BLNK: variants seen among roughly 807,000 people sequenced by gnomAD.
BLNK encodes B cell linker, also known as B-cell linker protein.
BLNK carries 29 observed loss-of-function variants against 73.5 expected under a neutral mutation model. The observed-to-expected ratio is 0.39, with a 90% CI of 0.29 to 0.54. BLNK has a LOEUF of 0.54. Among genes scored for constraint, BLNK ranks in the 20% least tolerant of loss-of-function variants. The pLI, the probability that BLNK is intolerant of heterozygous loss-of-function variation, is 0.61. For missense variants in BLNK, 460 were observed against 562.8 expected, an observed-to-expected ratio of 0.82 and a Z score of 1.85; for synonymous variants, 176 against 200.8, an observed-to-expected ratio of 0.88 and a Z score of 1.04.
intron 5 of BLNK, among the ~76,000 whole-genome samples, chr10:96,226,865 C>T (rs933580436): frequency 2.0e-5 from 3 of 150,930 alleles, no homozygotes; most frequent in Non-Finnish European, 4.4e-5. Flanking sequence ...AAAAAAAAAA[C>T]AGACCCAAGC....
chr10:96,213,684 C>T (rs2083998663), intron 8 of BLNK, among the ~76,000 whole-genome samples: 1 of 152,194 alleles, frequency 6.6e-6, no homozygotes, highest in African/African-American at 2.4e-5. Flanking sequence ...AAGAGGTAAA[C>T]ACCAGATATT....
chr10:96,257,036 G>GAGGAACAGCAGCCAGGTATC (rs1183810786), intron 1 of BLNK, among the ~76,000 whole-genome samples: 11 of 152,140 alleles, frequency 7.2e-5, no homozygotes, highest in Admixed American at 2.0e-4. Context: ...TCAAAAGGGT[G>GAGGAACAGCAGCCAGGTATC]AGGAACAGCA....
At chr10:96,267,847 A>T (rs1446357028) in intron 1 of BLNK, among the ~76,000 whole-genome samples, 1 of 152,224 alleles carries the variant, frequency 6.6e-6, no homozygotes, top group Non-Finnish European at 1.5e-5. Context: ...ACAACTATAG[A>T]ATTAGAATAA....
intron 1 of BLNK, among the ~76,000 whole-genome samples, chr10:96,253,744 G>A (rs782686031): frequency 3.9e-5 from 6 of 151,944 alleles, no homozygotes; most frequent in Non-Finnish European, 5.9e-5. Flanking sequence ...GGCTGGGTGC[G>A]ATGGCTCACG....
chr10:96,252,469 G>T (rs1164988610), intron 1 of BLNK, among the ~76,000 whole-genome samples: 1 of 152,186 alleles, frequency 6.6e-6, no homozygotes, highest in Non-Finnish European at 1.5e-5. Flanking sequence ...TTGTGCCCAA[G>T]TAAAGCAAAT....
At chr10:96,245,906 T>C (rs886779649) in intron 2 of BLNK, among the ~76,000 whole-genome samples, 2 of 152,196 alleles carry the variant, frequency 1.3e-5, no homozygotes, top group African/African-American at 2.4e-5. Flanking sequence ...TGGGTTAAGA[T>C]GGAGATATAA....
chr10:96,190,256 G>C lies in BLNK; in HGVS notation c.*1717C>G, dbSNP rs2083307978. The C allele has an allele frequency of 2.7e-6, 2 of 729,356 alleles. No individual in the cohort carries two copies. Among genetic ancestry groups the C allele is most frequent in the East Asian group, 5.1e-5 (2 of 39,144 alleles). 45.2% of individuals were successfully genotyped at this position (729,356 alleles called of 1,614,324 possible). On this transcript the variant is annotated 3_prime_UTR_variant, in exon 17 of 17. Transcript: ENST00000224337. ...ACACACTTAGGTGGGAGAGAAAGCA[G>C]ACGGAGATAAACGACCACTGCTCAA...
At chr10:96,198,910 G>A (rs1293406155) in intron 15 of BLNK, among the ~76,000 whole-genome samples, 3 of 152,194 alleles carry the variant, frequency 2.0e-5, no homozygotes, top group Non-Finnish European at 4.4e-5. Context: ...TCTTGGCCAG[G>A]CTGGTCTCAA....
chr10:96,197,613 C>CA (rs1251275242), intron 15 of BLNK, among the ~76,000 whole-genome samples: 1 of 152,140 alleles, frequency 6.6e-6, no homozygotes, highest in Non-Finnish European at 1.5e-5. Flanking sequence ...AAAAATGTAT[C>CA]AAACAAATTC....
intron 12 of BLNK, 127 bp from the exon 13 acceptor site, chr10:96,204,215 T>A: frequency 9.4e-7 from 1 of 1,061,662 alleles, no homozygotes; most frequent in Non-Finnish European, 1.4e-6. Flanking sequence ...GCCAATAAAA[T>A]GTATCTAAAG....
chr10:96,216,485 T>C (rs1368950088), intron 7 of BLNK, 168 bp downstream of exon 7: 1 of 675,040 alleles, frequency 1.5e-6, no homozygotes, highest in Non-Finnish European at 2.7e-6. Flanking sequence ...AGATGGGTTG[T>C]CACTGATGCT....
rs587700434 is a variant in BLNK at position 96,200,690 on chromosome 10, A to T, written c.1011+292T>A. Among the ~76,000 whole-genome samples the T allele has an allele frequency of 1.3e-3, 200 of 152,350 alleles. No individual in the cohort carries two copies. Among genetic ancestry groups the T allele is most frequent in the African/African-American group, 4.7e-3 (197 of 41,586 alleles). On this transcript the variant is annotated intron_variant, in intron 14 of 16. Transcript: ENST00000224337. This position sits in a 1 kb window ranked among gnomAD's most constrained non-coding sequence, Gnocchi z 4.3. ...GATTTAATATCATCAGCCTCTACAG[A>T]TCTATTTGGAGGAAATTACAAAGTT...
intron 11 of BLNK, among the ~76,000 whole-genome samples, chr10:96,206,658 A>T (rs2083818580): frequency 6.6e-6 from 1 of 152,224 alleles, no homozygotes; most frequent in Non-Finnish European, 1.5e-5. Context: ...ACTTGTTCAA[A>T]TAAACAGATT....
At chr10:96,193,483 C>T (rs111344421) in intron 16 of BLNK, among the ~76,000 whole-genome samples, 54 of 152,108 alleles carry the variant, frequency 3.6e-4, no homozygotes, top group Admixed American at 1.2e-3. Context: ...TTGTGGTGTT[C>T]GGGGATTGAA....
At chr10:96,192,137 T>C in intron 16 of BLNK, 45 bp from the exon 17 acceptor site, 1 of 1,610,244 alleles carries the variant, frequency 6.2e-7, no homozygotes, top group Non-Finnish European at 8.5e-7. Flanking sequence ...GCATTTGTGT[T>C]AAATTTGAGC....
At chr10:96,251,010 T>G (rs1843262099) in intron 1 of BLNK, among the ~76,000 whole-genome samples, 2 of 152,332 alleles carry the variant, frequency 1.3e-5, no homozygotes, top group South Asian at 4.1e-4. Context: ...CCTCAAACAT[T>G]TATCATTTCT....
intron 3 of BLNK, among the ~76,000 whole-genome samples, chr10:96,233,568 C>A (rs146542089): frequency 3.9e-5 from 6 of 152,310 alleles, no homozygotes; most frequent in East Asian, 3.9e-4. Flanking sequence ...TTCCTCCTCC[C>A]GTTGTGCACT....
intron 8 of BLNK, among the ~76,000 whole-genome samples, chr10:96,212,837 G>A (rs1303554270): frequency 1.3e-5 from 2 of 152,152 alleles, no homozygotes; most frequent in Non-Finnish European, 2.9e-5. Context: ...CATTTCTTTT[G>A]TAAAAATAAT....
chr10:96,205,000 G>A, intron 11 of BLNK: 1 of 313,596 alleles, frequency 3.2e-6, no homozygotes, highest in Non-Finnish European at 6.2e-6. Context: ...CACAGGTGGA[G>A]ACAACACCCT....
Sources: allele counts gnomAD v4.1 joint callset (sites outside exome capture counted in the v4.1 genomes callset), GRCh38; gene constraint gnomAD v4.1.1; non-coding constraint Gnocchi (gnomAD v3.1); transcripts MANE v1.5; gene names NCBI Gene and HGNC (gene_info 2026-07-23, HGNC 2026-07-21).